FLOT1: variants seen among roughly 807,000 people sequenced by gnomAD.
FLOT1 encodes flotillin 1.
FLOT1 carries 40 observed loss-of-function variants against 58.4 expected under a neutral mutation model. The ratio of observed to expected loss-of-function variants is 0.69; its 90% CI spans 0.53 to 0.89. The LOEUF is 0.89. Among genes scored for constraint, FLOT1 ranks in the 40% least tolerant of loss-of-function variants. The pLI is 0.00. For missense variants in FLOT1, 423 were observed against 540.8 expected, an observed-to-expected ratio of 0.78 and a Z score of 2.16; for synonymous variants, 178 against 204.2, an observed-to-expected ratio of 0.87 and a Z score of 1.09.
rs556131450 is a variant in FLOT1 at position 30,732,295 on chromosome 6, G to A, written c.724-1195C>T. 4.6e-5 allele frequency among the ~76,000 whole-genome samples: 7 copies of A among 152,138 alleles called. No homozygotes were observed. The South Asian group carries it at 1.2e-3, about 27-fold the overall frequency. ...AGATTTCATCTTCTTATTCCTTGCA[G>A]TGTGAGGGAATCAGAAGGCTCTTAT... On this transcript the variant is annotated intron_variant, in intron 8 of 12. Transcript: ENST00000376389.
At chr6:30,730,364 A>G (rs1168148515) in intron 11 of FLOT1, 64 bp downstream of exon 11, 4 of 1,531,300 alleles carry the variant, frequency 2.6e-6, no homozygotes, top group Non-Finnish European at 3.5e-6. Flanking sequence ...GCCCCTCACT[A>G]CACCCCACCC....
chr6:30,742,147 C>T lies in FLOT1; in HGVS notation c.43G>A (p.Gly15Arg). Reference protein sequence around the residue: ...CGPNEAMVVSGFCRSPPVMVA... With the variant: ...CGPNEAMVVSRFCRSPPVMVA... The stretch of plus-strand genomic sequence containing the variant: ...CTGGGAAGGGAACAACAGTACTTAC[C>T]GGAGACCACCATGGCCTCATTTGGG... The change falls in exon 2 of 13, where the codon GGG (glycine) becomes AGG (arginine). Residue 15 changes from glycine (G) to arginine (R), a missense_variant and splice_region_variant. Coordinates refer to ENST00000376389, the MANE Select transcript of FLOT1 (RefSeq NM_005803.4). This position sits in a 1 kb window ranked among gnomAD's most constrained non-coding sequence, Gnocchi z 5.2. The T allele has an allele frequency of 3.1e-6, 5 of 1,612,624 alleles. No homozygotes were observed. The highest frequency in any genetic ancestry group is 4.2e-6 in the Non-Finnish European group (5 of 1,179,872).
intron 8 of FLOT1, among the ~76,000 whole-genome samples, chr6:30,739,517 G>A (rs1281299789): frequency 6.6e-6 from 1 of 151,910 alleles, no homozygotes; most frequent in East Asian, 1.9e-4. Context: ...CTACAGGTGC[G>A]TGCCACCATA....
intron 5 of FLOT1, 143 bp from the exon 6 acceptor site, chr6:30,740,941 C>G (rs1360969683): frequency 6.3e-6 from 8 of 1,261,826 alleles, no homozygotes; most frequent in Non-Finnish European, 8.5e-6. Flanking sequence ...CACCCATCAC[C>G]ATACCCAGCT....
In FLOT1 at chr6:30,735,761, C is replaced by T. The variant is rs144942736; in HGVS notation, c.723+4397G>A. ...GAGAAGGTGCTTTTCACATGTTCCTCTTATTTAACCAGTCTACCACAGCTG... is the reference window on the plus strand; with the variant it reads ...GAGAAGGTGCTTTTCACATGTTCCTTTTATTTAACCAGTCTACCACAGCTG... On this transcript the variant is annotated intron_variant, in intron 8 of 12. Transcript: ENST00000376389. Among the ~76,000 whole-genome samples, 267 of 152,332 alleles carry T rather than the reference C, an allele frequency of 1.8e-3. 3 individuals are homozygous for T. Among genetic ancestry groups the T allele is most frequent in the Middle Eastern group, 0.014 (4 of 294 alleles).
chr6:30,738,212 C>T (rs1341178551), intron 8 of FLOT1, among the ~76,000 whole-genome samples: 1 of 152,298 alleles, frequency 6.6e-6, no homozygotes, highest in East Asian at 1.9e-4. Flanking sequence ...CCAGGGCCTG[C>T]AATTTTGTAT....
chr6:30,731,564 C>T (rs1328388433), intron 8 of FLOT1, among the ~76,000 whole-genome samples: 1 of 150,948 alleles, frequency 6.6e-6, no homozygotes, highest in Admixed American at 6.6e-5. Flanking sequence ...CAGTGGAGTC[C>T]AGTGTTTCTC....
rs1777869554 is a variant in FLOT1 at position 30,740,213 on chromosome 6, T to C, written c.668A>G (p.Tyr223Cys). 4 of 1,613,018 alleles carry C rather than the reference T, an allele frequency of 2.5e-6. No individual in the cohort carries two copies. The highest frequency in any genetic ancestry group is 2.2e-5 in the East Asian group (1 of 44,880). ...TCGGCGGGTGTTGACCTCGATGTCA[T>C]AGGCGGCCTTCTTCAGTTCGTAATC... ...QRDYELKKAA[Y>C]DIEVNTRRAQ... is the part of the protein sequence containing the mutation. The change falls in exon 8 of 13, where the codon TAT (tyrosine) becomes TGT (cysteine). Residue 223 changes from tyrosine (Y) to cysteine (C), a missense_variant. By Grantham distance (194) the Tyr-to-Cys change is radical. This residue lies in a region of FLOT1 where 137 missense variants were observed against 194.6 expected (regional missense o/e 0.70). Transcript: ENST00000376389.
At chr6:30,734,549 C>T (rs1203758930) in intron 8 of FLOT1, among the ~76,000 whole-genome samples, 1 of 152,118 alleles carries the variant, frequency 6.6e-6, no homozygotes, top group Non-Finnish European at 1.5e-5. Context: ...CCTCGTGAGC[C>T]ACCCACCTTG....
chr6:30,728,289 C>A, intron 12 of FLOT1, 144 bp from the exon 13 acceptor site: 1 of 722,452 alleles, frequency 1.4e-6, no homozygotes, highest in East Asian at 2.5e-5. Context: ...CACCTGTTTC[C>A]CCAAACAAAG....
At chr6:30,733,981 G>A (rs1581700541) in intron 8 of FLOT1, among the ~76,000 whole-genome samples, 1 of 146,972 alleles carries the variant, frequency 6.8e-6, no homozygotes, top group East Asian at 2.0e-4. Context: ...GAGCCTGGGA[G>A]GTTGAGGTTA....
At position 30,741,298 on chromosome 6, in the gene FLOT1, C is replaced by T. The variant is rs541162560; in HGVS notation, c.246G>A (p.Ala82=). 7.7e-5 allele frequency: 125 copies of T among 1,613,062 alleles called. No individual in the cohort carries two copies. Among genetic ancestry groups the T allele is most frequent in the Admixed American group, 6.5e-4 (39 of 60,028 alleles). ...KIQGQNKEML[A]AACQMFLGKT... ...TCCCCAGGAACATCTGACAGGCGGCCGCCAACATCTCCTTGTTCTGCCCCT... is the reference window on the plus strand; with the variant it reads ...TCCCCAGGAACATCTGACAGGCGGCTGCCAACATCTCCTTGTTCTGCCCCT... Residue 82 remains alanine (A), a synonymous_variant, in exon 5 of 13, where the codon GCG becomes GCA. Coordinates refer to ENST00000376389, the MANE Select transcript of FLOT1 (RefSeq NM_005803.4). This position sits in a 1 kb window ranked among gnomAD's most constrained non-coding sequence, Gnocchi z 5.9.
At position 30,740,274 on chromosome 6, in the gene FLOT1, A is replaced by G; in HGVS notation, c.607T>C (p.Tyr203His). 6.2e-7 allele frequency: 1 copy of G among 1,613,042 alleles called. No homozygotes were observed. Among genetic ancestry groups the G allele is most frequent in the Non-Finnish European group, 8.5e-7 (1 of 1,180,036 alleles). Residue 203 changes from tyrosine (Y) to histidine (H), a missense_variant, in exon 8 of 13, where the codon TAC (tyrosine) becomes CAC (histidine). Coordinates refer to ENST00000376389, the MANE Select transcript of FLOT1 (RefSeq NM_005803.4). ...TTGGCCATCTCGATCTCACTCAGGT[A>G]CTGAGCAGACACCTTTTCCTGCTTG... is the stretch of plus-strand genomic sequence containing the variant. ...KAKQEKVSAQ[Y>H]LSEIEMAKAQ...
At position 30,730,532 on chromosome 6, in the gene FLOT1, C is replaced by T. The variant is rs1175267877; in HGVS notation, c.985G>A (p.Ala329Thr). The part of the protein sequence containing the change: ...RGEAEAFAIG[A>T]RARAEAEQMA... ...TGCTCAGCCTCGGCTCGGGCTCGGG[C>T]CCCTATGGCAAAGGCCTCAGCTTCC... Residue 329 changes from alanine (A) to threonine (T), a missense_variant, in exon 11 of 13, where the codon GCC becomes ACC. Physicochemically the swap from Ala to Thr is moderately conservative, Grantham distance 58 (BLOSUM62 0). Coordinates refer to ENST00000376389, the MANE Select transcript of FLOT1 (RefSeq NM_005803.4). 3.7e-6 allele frequency: 6 copies of T among 1,611,368 alleles called. No individual in the cohort carries two copies.
At position 30,727,909 on chromosome 6, in the gene FLOT1, C is replaced by G. The variant is rs1001525518; in HGVS notation, c.*207G>C. The G allele has an allele frequency of 4.8e-6, 3 of 621,314 alleles. No individual in the cohort carries two copies. Among genetic ancestry groups the G allele is most frequent in the Non-Finnish European group, 8.7e-6 (3 of 344,140 alleles). The allele number at this position is 621,314 out of a possible 1,614,324, so 38.5% of individuals were successfully genotyped here. A position where few individuals can be genotyped will look rare whatever the true frequency, so the allele number is the denominator to read the frequency against. On this transcript the variant is annotated 3_prime_UTR_variant, in exon 13 of 13. Coordinates refer to ENST00000376389, the MANE Select transcript of FLOT1 (RefSeq NM_005803.4). ...GATCATCAGAAGGCTGACATGGGACCGCTGGAGTTGGCAATCATAGCAGTG... is the reference window on the plus strand; with the variant it reads ...GATCATCAGAAGGCTGACATGGGACGGCTGGAGTTGGCAATCATAGCAGTG...
rs1273505527 is a variant in FLOT1 at position 30,742,026 on chromosome 6, C to T, written c.43+121G>A. 9.0e-6 allele frequency: 11 copies of T among 1,216,328 alleles called. No homozygotes were observed. The highest frequency in any genetic ancestry group is 1.3e-5 in the Non-Finnish European group (11 of 833,750). 75.3% of individuals were successfully genotyped at this position (1,216,328 alleles called of 1,614,324 possible). The stretch of plus-strand genomic sequence containing the variant: ...ATGGTGGGAATCAAACTGGGCAGTT[C>T]GTGGCCATCAAGGGGCAGAAGTCTG... On this transcript the variant is annotated intron_variant, in intron 2 of 12. Transcript: ENST00000376389. The surrounding 1 kb of genome is among the most constrained non-coding windows in gnomAD (Gnocchi z 5.2).
Position 30,737,242 on chromosome 6 carries a change from GTCCGTCCA to G in FLOT1, c.723+2908_723+2915del, listed in dbSNP as rs9281026. On this transcript the variant is annotated intron_variant, in intron 8 of 12. Transcript: ENST00000376389. This position sits in a 1 kb window ranked among gnomAD's most constrained non-coding sequence, Gnocchi z 4.4. ...CGTCCGTCCGTCCGTCCGTCCGTCC[GTCCGTCCA>G]TCCGTCCATCCATCCATCCATATAT... Among the ~76,000 whole-genome samples, 9 of 145,746 alleles carry G rather than the reference GTCCGTCCA, an allele frequency of 6.2e-5. No homozygotes were observed. Among genetic ancestry groups the G allele is most frequent in the South Asian group, 2.2e-4 (1 of 4,562 alleles).
Position 30,740,682 on chromosome 6 carries a change from G to A in FLOT1, c.471C>T (p.Asp157=). The A allele has an allele frequency of 6.2e-7, 1 of 1,613,000 alleles. No individual in the cohort carries two copies. The highest frequency in any genetic ancestry group is 1.1e-5 in the South Asian group (1 of 91,078). The change falls in exon 6 of 13, where the codon GAC becomes GAT. Residue 157 remains aspartate (D), a synonymous_variant. Coordinates refer to ENST00000376389, the MANE Select transcript of FLOT1 (RefSeq NM_005803.4). The part of the protein sequence containing the change: ...VSYTLKDIHD[D]QDYLHSLGKA... ...AGGATCAATTGCCTAGTTTTACCTGGTCATCGTGAATGTCCTTCAGAGTGT... is the reference window on the plus strand; with the variant it reads ...AGGATCAATTGCCTAGTTTTACCTGATCATCGTGAATGTCCTTCAGAGTGT...
chr6:30,739,590 G>A (rs570582908), intron 8 of FLOT1, among the ~76,000 whole-genome samples: 1 of 152,142 alleles, frequency 6.6e-6, no homozygotes, highest in South Asian at 2.1e-4. Flanking sequence ...GGCTAGTCTC[G>A]AACTCTTGAC....
Sources: allele counts gnomAD v4.1 joint callset (sites outside exome capture counted in the v4.1 genomes callset), GRCh38; gene constraint gnomAD v4.1.1; regional missense constraint gnomAD v4.1.1; non-coding constraint Gnocchi (gnomAD v3.1); transcripts MANE v1.5; gene names NCBI Gene and HGNC (gene_info 2026-07-23, HGNC 2026-07-21).